The following PARVA variants were observed in gnomAD, a reference collection of about 807,000 sequenced individuals.
PARVA encodes the protein alpha-parvin.
Under a neutral mutation model 52.6 loss-of-function variants are expected in PARVA, and 25 were observed. That is an observed-to-expected ratio of 0.48 (90% CI 0.35 to 0.66). The LOEUF (loss-of-function observed/expected upper bound fraction) is 0.66. Ranked by LOEUF, PARVA falls within the 30% of genes least tolerant of loss-of-function variation. The pLI is 0.01. For missense variants in PARVA, 373 were observed against 450.9 expected (o/e 0.83, Z 1.56); for synonymous variants, 185 against 179.1 (o/e 1.03, Z -0.26).
At chr11:12,416,904 C>T (rs1386628619) in intron 1 of PARVA, among the ~76,000 whole-genome samples, 1 of 152,032 alleles carries the variant, frequency 6.6e-6, no homozygotes, top group East Asian at 1.9e-4. Context: ...TTTTGTATGG[C>T]CAGTATCTTG....
intron 1 of PARVA, among the ~76,000 whole-genome samples, chr11:12,444,424 C>G (rs1025130120): frequency 1.3e-5 from 2 of 152,014 alleles, no homozygotes; most frequent in African/African-American, 4.8e-5. Context: ...AATACTCAGC[C>G]CAGTATATCT....
At chr11:12,511,407 C>A in intron 7 of PARVA, 107 bp from the exon 8 acceptor site, 3 of 1,194,348 alleles carry the variant, frequency 2.5e-6, no homozygotes, top group Non-Finnish European at 3.7e-6. Context: ...GGGTGGCAGG[C>A]AGCATGGGGT....
At chr11:12,509,304 G>A (rs770441690) in intron 7 of PARVA, among the ~76,000 whole-genome samples, 3 of 152,144 alleles carry the variant, frequency 2.0e-5, no homozygotes, top group Non-Finnish European at 4.4e-5. Flanking sequence ...AACAAGAGCA[G>A]CATAGTGCAA....
At position 12,379,571 on chromosome 11, in the gene PARVA, C is replaced by G. The variant is rs182724373; in HGVS notation, c.136+1788C>G. On this transcript the variant is annotated intron_variant, in intron 1 of 12. Coordinates refer to ENST00000334956, the MANE Select transcript of PARVA (RefSeq NM_018222.5). ...AACCATTAATCAACTTCTCTTCCCC[C>G]CTAAAAAATGTTTTTAATAGATTGC... 6.6e-3 allele frequency among the ~76,000 whole-genome samples: 996 copies of G among 152,014 alleles called. 6 individuals are homozygous for G. The highest frequency in any genetic ancestry group is 0.01 in the Non-Finnish European group (692 of 67,982).
At chr11:12,398,572 C>T (rs1299292462) in intron 1 of PARVA, among the ~76,000 whole-genome samples, 1 of 150,830 alleles carries the variant, frequency 6.6e-6, no homozygotes, top group Non-Finnish European at 1.5e-5. Context: ...TAGGGACCCC[C>T]GTCCTCCTGT....
intron 3 of PARVA, among the ~76,000 whole-genome samples, chr11:12,476,835 G>C (rs1019911012): frequency 1.3e-5 from 2 of 152,184 alleles, no homozygotes; most frequent in African/African-American, 4.8e-5. Flanking sequence ...GGATGGCAAC[G>C]CTGTCTGGCT....
At chr11:12,392,109 A>G (rs1162189529) in intron 1 of PARVA, among the ~76,000 whole-genome samples, 1 of 151,930 alleles carries the variant, frequency 6.6e-6, no homozygotes, top group African/African-American at 2.4e-5. Flanking sequence ...ATGGAATAAT[A>G]TATATTATTA....
At chr11:12,526,232 C>CT (rs80159559) in intron 12 of PARVA, among the ~76,000 whole-genome samples, 8 of 151,512 alleles carry the variant, frequency 5.3e-5, no homozygotes, top group South Asian at 2.1e-4. Flanking sequence ...AAAATAAAAT[C>CT]TTTTTTTTTA....
At chr11:12,440,319 G>A (rs975498875) in intron 1 of PARVA, among the ~76,000 whole-genome samples, 15 of 152,254 alleles carry the variant, frequency 9.9e-5, no homozygotes, top group East Asian at 3.9e-4. Context: ...GTAGGAAGCC[G>A]GTCAAGATCA....
chr11:12,448,179 A>G (rs1940573575), intron 1 of PARVA, among the ~76,000 whole-genome samples: 1 of 152,172 alleles, frequency 6.6e-6, no homozygotes, highest in Non-Finnish European at 1.5e-5. Context: ...GTCGTGTTGC[A>G]GCATGGCCAG....
chr11:12,489,340 G>A (rs1187866943), intron 4 of PARVA, among the ~76,000 whole-genome samples: 2 of 152,078 alleles, frequency 1.3e-5, no homozygotes, highest in Non-Finnish European at 2.9e-5. Context: ...ATGAAAAAGT[G>A]TGAATAATAA....
At chr11:12,508,724 G>GT in intron 7 of PARVA, 82 bp downstream of exon 7, 1 of 1,117,572 alleles carries the variant, frequency 8.9e-7, no homozygotes, top group Admixed American at 1.8e-5. Context: ...CTGATATTTA[G>GT]TTTTCATTTA....
intron 1 of PARVA, among the ~76,000 whole-genome samples, chr11:12,439,414 C>T (rs548413680): frequency 6.6e-6 from 1 of 152,296 alleles, no homozygotes; most frequent in East Asian, 1.9e-4. Flanking sequence ...TGATTCAGTC[C>T]TCCAGCTTGA....
Position 12,453,058 on chromosome 11 carries a change from A to G in PARVA, c.137-20687A>G, listed in dbSNP as rs1426287966. 8 of 455,920 alleles carry G rather than the reference A, an allele frequency of 1.8e-5. No homozygotes were observed. In the East Asian group the frequency reaches 5.6e-4, roughly 32 times the overall value. The allele number at this position is 455,920 out of a possible 1,614,324, so 28.2% of individuals were successfully genotyped here. On this transcript the variant is annotated intron_variant, in intron 1 of 12. Coordinates refer to ENST00000334956, the MANE Select transcript of PARVA (RefSeq NM_018222.5). ...TAGGTCAGAGCCTGGACAAAGTTGA[A>G]CGTGCTGTGGTGGGAGCGATTCTTT...
upstream of PARVA, chr11:12,377,479 A>C (rs1403942080): frequency 5.0e-6 from 7 of 1,405,272 alleles, no homozygotes; most frequent in African/African-American, 1.5e-5. Flanking sequence ...CGAGGGAGGG[A>C]GCGAGGGAGG....
At chr11:12,516,363 A>G (rs867298) in intron 10 of PARVA, among the ~76,000 whole-genome samples, 85,598 of 151,970 alleles carry the variant, frequency 0.56, 24,629 homozygotes, top group East Asian at 0.65. Flanking sequence ...TCGGATGTGC[A>G]TCTGACCTCT....
chr11:12,412,830 C>T (rs1366502283), intron 1 of PARVA, among the ~76,000 whole-genome samples: 1 of 152,214 alleles, frequency 6.6e-6, no homozygotes, highest in Non-Finnish European at 1.5e-5. Context: ...TAATAGTTCT[C>T]CTTGGATCGC....
intron 1 of PARVA, among the ~76,000 whole-genome samples, chr11:12,457,303 G>GA (rs1017350362): frequency 1.5e-4 from 23 of 151,594 alleles, no homozygotes; most frequent in South Asian, 1.5e-3. Context: ...GTTGGTTTAG[G>GA]AAAAAAAAAT....
intron 4 of PARVA, among the ~76,000 whole-genome samples, chr11:12,482,312 T>C (rs1350797020): frequency 6.6e-6 from 1 of 151,888 alleles, no homozygotes; most frequent in Non-Finnish European, 1.5e-5. Context: ...CATAAAGATA[T>C]ACCCAAGGCT....
Sources: gnomAD v4.1 joint callset for allele counts (sites outside exome capture counted in the v4.1 genomes callset) on GRCh38, gnomAD v4.1.1 for gene constraint, MANE v1.5 for transcripts, NCBI Gene and HGNC (gene_info 2026-07-23, HGNC 2026-07-21) for gene names.